HS1BP3: variants seen among roughly 807,000 people sequenced by gnomAD.
The protein encoded by HS1BP3 is HCLS1 binding protein 3, also known as HCLS1-binding protein 3.
A neutral mutation model predicts 33.5 loss-of-function variants in HS1BP3; 32 were observed. That is an observed-to-expected ratio of 0.95 (90% confidence interval 0.72 to 1.28). HS1BP3 has a LOEUF of 1.28. Among genes scored for constraint, HS1BP3 ranks in the 50% most tolerant of loss-of-function variants. The pLI, the probability that HS1BP3 is intolerant of heterozygous loss-of-function variation, is 0.00. For missense variants in HS1BP3, 486 were observed against 502.3 expected (o/e 0.97, Z 0.31); for synonymous variants, 187 against 209.2 (o/e 0.89, Z 0.92).
At position 20,598,539 on chromosome 2, in the gene HS1BP3, CTTTTTTTTTTTTTTTTTTTTTT is replaced by C. The variant is rs67769731; in HGVS notation, c.179-296_179-275del. On this transcript the variant is annotated intron_variant, in intron 2 of 3. Transcript: ENST00000415264. ...CCTAACAGGCCAGGGACCGGTACTT[CTTTTTTTTTTTTTTTTTTTTTT>C]TTTTTTTTTTTTTTTGAGACGGAGT... Among the ~76,000 whole-genome samples the C allele has an allele frequency of 7.8e-5, 5 of 63,872 alleles. No homozygotes were observed. The South Asian group carries it at 2.6e-3, about 33-fold the overall frequency. The allele number at this position is 63,872 out of a possible 152,430, so 41.9% of individuals were successfully genotyped here. A position where few individuals can be genotyped will look rare whatever the true frequency, so the allele number is the denominator to read the frequency against.
At chr2:20,640,790 A>C (rs1484139846) in intron 3 of HS1BP3, 183 bp downstream of exon 3, 1 of 642,478 alleles carries the variant, frequency 1.6e-6, no homozygotes, top group East Asian at 2.7e-5. Context: ...CAGTCCCTCA[A>C]GGGTAGGCCT....
chr2:20,585,142 C>T (rs1039491207), intron 5 of HS1BP3, among the ~76,000 whole-genome samples: 2 of 152,142 alleles, frequency 1.3e-5, no homozygotes, highest in African/African-American at 4.8e-5. Context: ...AGGAGCTCAG[C>T]CCCTCCTCCC....
At chr2:20,588,456 C>T (rs1267554605), downstream of HS1BP3, among the ~76,000 whole-genome samples, 3 of 152,268 alleles carry the variant, frequency 2.0e-5, no homozygotes, top group South Asian at 4.1e-4. Flanking sequence ...AGCTGGATTA[C>T]GGGCACCAGC....
At chr2:20,635,717 A>G (rs1695103620) in intron 4 of HS1BP3, 1 of 152,228 alleles carries the variant, frequency 6.6e-6, no homozygotes, top group African/African-American at 2.4e-5. Flanking sequence ...AGGCACGTGC[A>G]TTGTGCCTGC....
intron 3 of HS1BP3, 141 bp downstream of exon 3, chr2:20,640,832 G>T: frequency 1.3e-6 from 1 of 781,840 alleles, no homozygotes; most frequent in Non-Finnish European, 2.2e-6. Flanking sequence ...AAGGATGTCA[G>T]CGAGGCCACC....
the HS1BP3 span, among the ~76,000 whole-genome samples, chr2:20,554,812 T>A: frequency 2.0e-5 from 3 of 152,082 alleles, no homozygotes; most frequent in African/African-American, 4.8e-5. Flanking sequence ...ACCTCTATCC[T>A]TTGGCTACAT....
At position 20,650,913 on chromosome 2, in the gene HS1BP3, G is replaced by A. The variant is rs112289058; in HGVS notation, c.32+119C>T. Reference sequence around the variant, plus strand: ...GGCCCAGCCCGGATAAGCCACCGAGGGCGCTGGGGAGACCTGCACCAGGTC... The same window carrying A: ...GGCCCAGCCCGGATAAGCCACCGAGAGCGCTGGGGAGACCTGCACCAGGTC... On this transcript the variant is annotated intron_variant, in intron 1 of 6. Transcript: ENST00000304031. 75 of 892,186 alleles carry A rather than the reference G, an allele frequency of 8.4e-5. 1 individual carries two copies. In the African/African-American group the frequency reaches 1.2e-3, roughly 14 times the overall value. The allele number at this position is 892,186 out of a possible 1,614,324, so 55.3% of individuals were successfully genotyped here.
At position 20,608,363 on chromosome 2, in the gene HS1BP3, T is replaced by C. The variant is rs1186657644; in HGVS notation, c.179-10098A>G. On this transcript the variant is annotated intron_variant, in intron 2 of 3. Coordinates refer to the HS1BP3 transcript ENST00000415264. ...GCCGATGCGGGAGGATCACCTGAGG[T>C]TGGGAGTTCGAGACCAGCCTGACCA... Among the ~76,000 whole-genome samples the C allele has an allele frequency of 3.3e-5, 5 of 151,898 alleles. No homozygotes were observed. The East Asian group carries it at 5.8e-4, about 18-fold the overall frequency.
rs558150422 is a variant in HS1BP3, at chr2:20,563,815, C to T, written c.303-3300G>A. Among the ~76,000 whole-genome samples, 15 of 152,242 alleles carry T rather than the reference C, an allele frequency of 9.9e-5. No homozygotes were observed. In the East Asian group the frequency reaches 1.2e-3, roughly 12 times the overall value. ...TTTCAAAGTGTGGTTCATGGACCAG[C>T]GGTATCGACATCCCCTGAGAGCTGG... On this transcript the variant is annotated intron_variant, in intron 5 of 5. Transcript: ENST00000446825.
Position 20,621,738 on chromosome 2 carries a change from T to C in HS1BP3, c.920+2158A>G, listed in dbSNP as rs553170173. ...GCCTGCTTGGCAAAGCAGTGACTCT[T>C]TGGAACTAATCAGCAGCTGGATTTG... On this transcript the variant is annotated intron_variant, in intron 6 of 6. Transcript: ENST00000304031. Among the ~76,000 whole-genome samples, 5 of 152,362 alleles carry C rather than the reference T, an allele frequency of 3.3e-5. No individual in the cohort carries two copies. In the East Asian group the frequency reaches 9.7e-4, roughly 29 times the overall value.
chr2:20,626,360 G>C (rs1302849913), intron 4 of HS1BP3, among the ~76,000 whole-genome samples: 1 of 152,250 alleles, frequency 6.6e-6, no homozygotes. Context: ...TCAGAGCCCA[G>C]TCCCAGGGGA....
chr2:20,647,696 A>T (rs1695559718), intron 1 of HS1BP3, among the ~76,000 whole-genome samples: 1 of 152,164 alleles, frequency 6.6e-6, no homozygotes, highest in Non-Finnish European at 1.5e-5. Context: ...AGGGTCAGAT[A>T]GCAAATATTT....
intron 5 of HS1BP3, among the ~76,000 whole-genome samples, chr2:20,580,047 T>G (rs749890923): frequency 2.0e-5 from 3 of 152,242 alleles, no homozygotes; most frequent in African/African-American, 4.8e-5. Flanking sequence ...CTCCCTGAAC[T>G]CATACCCACA....
At chr2:20,642,714 C>T (rs1238031905) in intron 2 of HS1BP3, among the ~76,000 whole-genome samples, 5 of 152,242 alleles carry the variant, frequency 3.3e-5, no homozygotes, top group South Asian at 4.1e-4. Flanking sequence ...CCAGGGCCCA[C>T]GTCCATCAGG....
chr2:20,640,409 G>A (rs1451593658), intron 3 of HS1BP3: 1 of 207,286 alleles, frequency 4.8e-6, no homozygotes, highest in African/African-American at 2.3e-5. Flanking sequence ...AGAGAAGACA[G>A]GGCCAGGACA....
At chr2:20,643,911 G>A (rs1189071331) in intron 2 of HS1BP3, among the ~76,000 whole-genome samples, 3 of 152,154 alleles carry the variant, frequency 2.0e-5, no homozygotes, top group East Asian at 1.9e-4. Context: ...CCAGTCTGGG[G>A]AACAGAGGGA....
chr2:20,613,373 C>T (rs778261416), downstream of HS1BP3, among the ~76,000 whole-genome samples: 46 of 152,222 alleles, frequency 3.0e-4, no homozygotes, highest in Non-Finnish European at 5.0e-4. Flanking sequence ...CCGACTACCT[C>T]GGAGGCCAGC....
At chr2:20,588,032 G>A (rs911330071), downstream of HS1BP3, among the ~76,000 whole-genome samples, 2 of 151,900 alleles carry the variant, frequency 1.3e-5, no homozygotes, top group African/African-American at 4.8e-5. Context: ...GGGATAGGAG[G>A]CACTCTCATC....
intron 2 of HS1BP3, among the ~76,000 whole-genome samples, chr2:20,600,953 G>A (rs1293360880): frequency 6.6e-6 from 1 of 152,180 alleles, no homozygotes; most frequent in African/African-American, 2.4e-5. Flanking sequence ...AAACCCACAA[G>A]AGGGCACTGT....
Sources: gnomAD v4.1 joint callset for allele counts (sites outside exome capture counted in the v4.1 genomes callset) on GRCh38, gnomAD v4.1.1 for gene constraint, MANE v1.5 for transcripts, NCBI Gene and HGNC (gene_info 2026-07-23, HGNC 2026-07-21) for gene names.